Variants in CATSPERT observed in about 807,000 individuals in gnomAD.
CATSPERT encodes the protein cation channel sperm-associated targeting subunit tau.
the CATSPERT span, among the ~76,000 whole-genome samples, chr2:201,578,945 A>T: frequency 6.6e-6 from 1 of 152,226 alleles, no homozygotes; most frequent in South Asian, 2.1e-4. Flanking sequence ...CCATATGTTT[A>T]TCCTTCTTCA....
the CATSPERT span, chr2:201,601,857 A>C: frequency 6.2e-7 from 1 of 1,604,026 alleles, no homozygotes; most frequent in Non-Finnish European, 8.5e-7. Context: ...GATGCGAATG[A>C]ATAAATTAGC....
chr2:201,535,129 A>G, the CATSPERT span: 1 of 981,704 alleles, frequency 1.0e-6, no homozygotes, highest in Non-Finnish European at 1.2e-6. Flanking sequence ...GTTATTTGAC[A>G]TAGGTAACTG....
chr2:201,579,132 C>T, the CATSPERT span, among the ~76,000 whole-genome samples: 3 of 152,162 alleles, frequency 2.0e-5, no homozygotes, highest in Non-Finnish European at 2.9e-5. Context: ...TATATATCCA[C>T]AATATCAGTA....
At chr2:201,552,386 A>G in the CATSPERT span, among the ~76,000 whole-genome samples, 1 of 152,222 alleles carries the variant, frequency 6.6e-6, no homozygotes, top group Non-Finnish European at 1.5e-5. Flanking sequence ...GAGAAAAATT[A>G]TGACATTACA....
At chr2:201,612,344 T>C in the CATSPERT span, among the ~76,000 whole-genome samples, 1 of 151,938 alleles carries the variant, frequency 6.6e-6, no homozygotes, top group Admixed American at 6.6e-5. Context: ...GGAGGCCAGG[T>C]GGGTGGATCA....
chr2:201,607,637 A>C, the CATSPERT span, among the ~76,000 whole-genome samples: 1 of 152,080 alleles, frequency 6.6e-6, no homozygotes, highest in Non-Finnish European at 1.5e-5. Context: ...CACACACACA[A>C]GACTCTGTCC....
the CATSPERT span, among the ~76,000 whole-genome samples, chr2:201,594,873 C>T: frequency 2.0e-5 from 3 of 152,092 alleles, no homozygotes; most frequent in Admixed American, 1.3e-4. Context: ...TCTAGTTATA[C>T]ATTCTTCTAA....
At chr2:201,584,005 T>C in the CATSPERT span, among the ~76,000 whole-genome samples, 1 of 152,120 alleles carries the variant, frequency 6.6e-6, no homozygotes, top group African/African-American at 2.4e-5. Flanking sequence ...TGATGCAGCT[T>C]TGGAGAATTA....
chr2:201,562,140 CT>C, the CATSPERT span, among the ~76,000 whole-genome samples: 2 of 151,236 alleles, frequency 1.3e-5, no homozygotes, highest in Admixed American at 1.3e-4. Flanking sequence ...CTTTGGTATG[CT>C]GACTCCTTTC....
At chr2:201,599,867 A>G in the CATSPERT span, among the ~76,000 whole-genome samples, 1 of 152,208 alleles carries the variant, frequency 6.6e-6, no homozygotes, top group South Asian at 2.1e-4. Context: ...AATTCTTGAG[A>G]ATTTGCCAAT....
chr2:201,487,525 A>G, the CATSPERT span: 141 of 1,220,414 alleles, frequency 1.2e-4, no homozygotes, highest in African/African-American at 2.1e-3. Flanking sequence ...CCATTTTGTT[A>G]ATGGAGAAGT....
chr2:201,601,729 T>G, the CATSPERT span: 1 of 1,605,862 alleles, frequency 6.2e-7, no homozygotes, highest in Non-Finnish European at 8.5e-7. Context: ...AGAAGAGATA[T>G]TAACATTACC....
chr2:201,490,097 T>G, the CATSPERT span, among the ~76,000 whole-genome samples: 2 of 152,174 alleles, frequency 1.3e-5, no homozygotes, highest in African/African-American at 2.4e-5. Context: ...CCTCAAGTGA[T>G]CCACCTGCCT....
chr2:201,590,364 T>C, the CATSPERT span, among the ~76,000 whole-genome samples: 3 of 152,094 alleles, frequency 2.0e-5, no homozygotes, highest in Non-Finnish European at 4.4e-5. Flanking sequence ...ATGTGCCACA[T>C]TTTCTTAATC....
chr2:201,588,518 A>C, the CATSPERT span, among the ~76,000 whole-genome samples: 1 of 150,178 alleles, frequency 6.7e-6, no homozygotes, highest in African/African-American at 2.4e-5. Flanking sequence ...GAAAGATATT[A>C]TTATTCTGAG....
the CATSPERT span, among the ~76,000 whole-genome samples, chr2:201,516,437 G>A: frequency 1.3e-5 from 2 of 152,138 alleles, no homozygotes; most frequent in African/African-American, 4.8e-5. Flanking sequence ...GAGTGAAGGG[G>A]AAGTGCCACA....
the CATSPERT span, among the ~76,000 whole-genome samples, chr2:201,565,341 T>C: frequency 6.7e-6 from 1 of 149,376 alleles, no homozygotes; most frequent in Admixed American, 6.7e-5. Context: ...TGGTGATGTG[T>C]GATGTGTCTG....
chr2:201,516,162 A>G, the CATSPERT span, among the ~76,000 whole-genome samples: 1 of 152,214 alleles, frequency 6.6e-6, no homozygotes, highest in African/African-American at 2.4e-5. Flanking sequence ...TTGAAGCACA[A>G]TGGTAAATAT....
chr2:201,531,251 G>A, the CATSPERT span, among the ~76,000 whole-genome samples: 3 of 152,050 alleles, frequency 2.0e-5, no homozygotes, highest in South Asian at 4.2e-4. Context: ...GAGCCACCGC[G>A]CCTGGCCGAC....
Sources: allele counts gnomAD v4.1 joint callset (sites outside exome capture counted in the v4.1 genomes callset), GRCh38; gene constraint gnomAD v4.1.1; transcripts MANE v1.5; gene names NCBI Gene and HGNC (gene_info 2026-07-23, HGNC 2026-07-21).